The following NUP58 variants were observed in gnomAD, a reference collection of about 807,000 sequenced individuals.
NUP58 encodes the protein nucleoporin 58, also known as nucleoporin p58/p45.
Under a neutral mutation model 70.1 loss-of-function variants are expected in NUP58, and 17 were observed. The observed-to-expected ratio is 0.24, with a 90% CI of 0.17 to 0.36. The LOEUF is 0.36. Ranked by LOEUF, NUP58 falls within the 10% of genes least tolerant of loss-of-function variation. NUP58 has a pLI of 1.00. For missense variants in NUP58, 644 were observed against 701.5 expected (o/e 0.92, Z 0.93); for synonymous variants, 275 against 257.6 (o/e 1.07, Z -0.65).
chr13:25,332,829 C>G lies in NUP58; in HGVS notation c.1435+1271C>G. On this transcript the variant is annotated intron_variant, in intron 13 of 15. Transcript: ENST00000381736. ...GGAAAAAGTCATTATGGGATTGATT[C>G]CTTTGAGGATTGATATTTCTTCTTA... 9.1e-6 allele frequency: 9 copies of G among 985,362 alleles called. No individual in the cohort carries two copies. The South Asian group carries it at 3.8e-4, about 41-fold the overall frequency. The allele number at this position is 985,362 out of a possible 1,614,324, so 61.0% of individuals were successfully genotyped here.
intron 5 of NUP58, among the ~76,000 whole-genome samples, chr13:25,314,143 A>G (rs1593181485): frequency 1.3e-5 from 2 of 152,120 alleles, no homozygotes; most frequent in African/African-American, 4.8e-5. Flanking sequence ...ATGTTGGCCA[A>G]GCTGGTCTCA....
intron 13 of NUP58, chr13:25,332,826 A>T (rs1018874066): frequency 6.1e-6 from 6 of 985,312 alleles, no homozygotes; most frequent in Non-Finnish European, 7.2e-6. Flanking sequence ...TATGGGATTG[A>T]TTCCTTTGAG....
At chr13:25,319,435 A>C in intron 7 of NUP58, 85 bp downstream of exon 7, 1 of 1,274,316 alleles carries the variant, frequency 7.8e-7, no homozygotes, top group Non-Finnish European at 1.1e-6. Context: ...ATTGAAAGTA[A>C]ATATCATATA....
chr13:25,306,001 G>C (rs1158919562), intron 1 of NUP58, among the ~76,000 whole-genome samples: 1 of 152,016 alleles, frequency 6.6e-6, no homozygotes. Context: ...CTGGCATAAC[G>C]CCTTGTACAT....
chr13:25,304,440 T>C (rs1437907897), intron 1 of NUP58, among the ~76,000 whole-genome samples: 1 of 146,492 alleles, frequency 6.8e-6, no homozygotes, highest in Non-Finnish European at 1.5e-5. Context: ...ACTTTCATTA[T>C]GTAATACTTC....
At position 25,340,423 on chromosome 13, in the gene NUP58, A is replaced by T; in HGVS notation, c.*289A>T. On this transcript the variant is annotated 3_prime_UTR_variant, in exon 16 of 16. Transcript: ENST00000381736. ...AGAAACCATTAACCTAAAACTTACT[A>T]TTTAACCTAGTGTTTTTGTTGATGA... 8.5e-6 allele frequency: 2 copies of T among 234,992 alleles called. No individual in the cohort carries two copies. Among genetic ancestry groups the T allele is most frequent in the Non-Finnish European group, 1.6e-5 (2 of 123,442 alleles). 14.6% of individuals were successfully genotyped at this position (234,992 alleles called of 1,614,324 possible).
At chr13:25,307,682 GATAT>G (rs1451342181) in intron 1 of NUP58, 120 bp from the exon 2 acceptor site, 2 of 878,406 alleles carry the variant, frequency 2.3e-6, no homozygotes, top group Non-Finnish European at 3.4e-6. Context: ...CAATGTATTA[GATAT>G]GTTATGTGAA....
chr13:25,314,011 C>A (rs1245820098), intron 5 of NUP58, among the ~76,000 whole-genome samples: 1 of 152,138 alleles, frequency 6.6e-6, no homozygotes, highest in African/African-American at 2.4e-5. Flanking sequence ...TCACTGTAAC[C>A]TCCACCTCCA....
intron 2 of NUP58, 82 bp downstream of exon 2, chr13:25,308,030 GGA>G: frequency 6.7e-7 from 1 of 1,490,004 alleles, no homozygotes; most frequent in East Asian, 2.3e-5. Flanking sequence ...CTCTTTACAA[GGA>G]TCATCACTGG....
intron 1 of NUP58, chr13:25,302,876 A>G (rs2030098880): frequency 4.5e-6 from 2 of 442,578 alleles, no homozygotes; most frequent in East Asian, 7.0e-5. Context: ...TCGCTCAACA[A>G]CAGGTTCTGA....
intron 3 of NUP58, among the ~76,000 whole-genome samples, chr13:25,311,575 A>C (rs975455440): frequency 5.3e-5 from 8 of 151,390 alleles, no homozygotes; most frequent in Non-Finnish European, 1.2e-4. Flanking sequence ...GGGTTTCACC[A>C]TGTTGGCCAG....
intron 13 of NUP58, chr13:25,334,285 A>G: frequency 1.0e-6 from 1 of 985,292 alleles, no homozygotes; most frequent in Non-Finnish European, 1.2e-6. Flanking sequence ...TTAATTTAGG[A>G]TAGGTTTTTT....
intron 13 of NUP58, chr13:25,334,874 A>G (rs1022494159): frequency 3.0e-6 from 3 of 984,476 alleles, no homozygotes; most frequent in African/African-American, 1.7e-5. Context: ...TTGGCCAGTC[A>G]TTGGTATATA....
chr13:25,338,932 T>C (rs571925591), intron 15 of NUP58: 8 of 382,098 alleles, frequency 2.1e-5, no homozygotes, highest in Admixed American at 4.2e-5. Context: ...AAAATACTTC[T>C]AACAAGACTT....
intron 13 of NUP58, chr13:25,333,718 C>T (rs767763674): frequency 2.0e-6 from 2 of 985,344 alleles, no homozygotes; most frequent in Non-Finnish European, 2.4e-6. Flanking sequence ...CCCTATTTAT[C>T]AAATGGTGTT....
chr13:25,331,217 T>G, intron 12 of NUP58, 140 bp from the exon 13 acceptor site: 6 of 733,052 alleles, frequency 8.2e-6, no homozygotes, highest in Non-Finnish European at 1.4e-5. Context: ...CCAAAGTGCA[T>G]TATTAGCACT....
chr13:25,308,197 TGTA>T (rs2030472527), intron 2 of NUP58: 1 of 328,080 alleles, frequency 3.0e-6, no homozygotes. Context: ...GATTATATAA[TGTA>T]GTGTTTTTCC....
intron 3 of NUP58, among the ~76,000 whole-genome samples, chr13:25,310,742 G>A (rs1383569455): frequency 1.3e-5 from 2 of 152,204 alleles, no homozygotes; most frequent in African/African-American, 2.4e-5. Context: ...TGTGATCAGG[G>A]CAATCCAGAA....
intron 7 of NUP58, 137 bp from the exon 8 acceptor site, chr13:25,320,393 T>C: frequency 1.7e-6 from 1 of 580,014 alleles, no homozygotes; most frequent in Non-Finnish European, 3.0e-6. Flanking sequence ...TAAAGAGCTT[T>C]GAAATCATCC....
Sources: gnomAD v4.1 joint callset for allele counts (sites outside exome capture counted in the v4.1 genomes callset) on GRCh38, gnomAD v4.1.1 for gene constraint, MANE v1.5 for transcripts, NCBI Gene and HGNC (gene_info 2026-07-23, HGNC 2026-07-21) for gene names.